NRF1: variants seen among roughly 807,000 people sequenced by gnomAD.
NRF1 encodes alpha palindromic-binding protein.
A neutral mutation model predicts 58.5 loss-of-function variants in NRF1; 5 were observed. The ratio of observed to expected loss-of-function variants is 0.09; its 90% CI spans 0.04 to 0.18. NRF1 has a LOEUF of 0.18. Among genes scored for constraint, NRF1 ranks in the 10% least tolerant of loss-of-function variants. The probability of loss-of-function intolerance (pLI) is 1.00; values close to 1 mark genes in which losing one functional copy is unlikely to be tolerated. For synonymous variants in NRF1, 224 were observed against 246.7 expected, an observed-to-expected ratio of 0.91 and a Z score of 0.86; for missense variants, 288 against 657.7, an observed-to-expected ratio of 0.44 and a Z score of 6.15.
intron 10 of NRF1, among the ~76,000 whole-genome samples, chr7:129,739,541 TAA>T (rs56277880): frequency 3.0e-4 from 44 of 144,966 alleles, no homozygotes; most frequent in East Asian, 8.0e-4. Context: ...GCTTTGCTTT[TAA>T]AAAAAAAAAA....
chr7:129,636,557 G>GT (rs532852857), intron 1 of NRF1, among the ~76,000 whole-genome samples: 5 of 152,044 alleles, frequency 3.3e-5, no homozygotes, highest in African/African-American at 1.2e-4. Context: ...TTTTCAATGG[G>GT]TTTTTTTAGA....
chr7:129,729,870 C>T (rs183560429), intron 10 of NRF1, among the ~76,000 whole-genome samples: 9 of 152,278 alleles, frequency 5.9e-5, no homozygotes. Context: ...CAGAGTCTTG[C>T]TCTGTCACCC....
intron 9 of NRF1, among the ~76,000 whole-genome samples, chr7:129,722,909 A>G (rs1470069856): frequency 6.6e-6 from 1 of 152,226 alleles, no homozygotes; most frequent in Non-Finnish European, 1.5e-5. Context: ...GGAAATAAGC[A>G]GTCACTGAGG....
At chr7:129,657,981 A>G (rs989256468) in intron 2 of NRF1, among the ~76,000 whole-genome samples, 2 of 152,122 alleles carry the variant, frequency 1.3e-5, no homozygotes, top group African/African-American at 4.8e-5. Flanking sequence ...GAGGTCTGTA[A>G]TCACTTACTA....
intron 5 of NRF1, among the ~76,000 whole-genome samples, chr7:129,695,234 A>G (rs1201097721): frequency 1.3e-5 from 2 of 152,120 alleles, no homozygotes; most frequent in Non-Finnish European, 2.9e-5. Flanking sequence ...ACATTAACAT[A>G]AAACATGCCC....
At chr7:129,627,329 A>T (rs56028831) in intron 1 of NRF1, among the ~76,000 whole-genome samples, 9 of 151,774 alleles carry the variant, frequency 5.9e-5, no homozygotes. Flanking sequence ...CTCCCACCTT[A>T]GTTTCCCCAG....
At chr7:129,689,198 A>C (rs1161969293) in intron 4 of NRF1, among the ~76,000 whole-genome samples, 1 of 152,198 alleles carries the variant, frequency 6.6e-6, no homozygotes, top group Non-Finnish European at 1.5e-5. Context: ...CAACTGCAGA[A>C]GTTGCACCAT....
intron 5 of NRF1, among the ~76,000 whole-genome samples, chr7:129,704,461 G>A (rs1026878947): frequency 6.6e-6 from 1 of 152,062 alleles, no homozygotes; most frequent in Admixed American, 6.6e-5. Flanking sequence ...TGATTTAAAA[G>A]TAAAATCTCA....
At chr7:129,728,151 T>C (rs1011384862) in intron 10 of NRF1, among the ~76,000 whole-genome samples, 2 of 152,202 alleles carry the variant, frequency 1.3e-5, no homozygotes, top group Non-Finnish European at 2.9e-5. Context: ...GTGATTGTTA[T>C]ATTTTTAAAT....
At chr7:129,670,008 C>T (rs2151082667) in intron 2 of NRF1, among the ~76,000 whole-genome samples, 1 of 152,260 alleles carries the variant, frequency 6.6e-6, no homozygotes. Flanking sequence ...CATTATTCAC[C>T]CTTAAAAACA....
intron 10 of NRF1, among the ~76,000 whole-genome samples, chr7:129,747,940 C>A (rs1804018002): frequency 6.6e-6 from 1 of 152,108 alleles, no homozygotes; most frequent in Non-Finnish European, 1.5e-5. Context: ...ATATCATATT[C>A]AATTATTGAG....
chr7:129,667,743 ATTTATT>A (rs1261597953), intron 2 of NRF1, among the ~76,000 whole-genome samples: 1 of 630 alleles, frequency 1.6e-3, no homozygotes, highest in Non-Finnish European at 8.3e-3. Flanking sequence ...TTTTAAAGGT[ATTTATT>A]TATTTATTTA....
At chr7:129,702,668 G>A (rs1252065504) in intron 5 of NRF1, among the ~76,000 whole-genome samples, 1 of 152,170 alleles carries the variant, frequency 6.6e-6, no homozygotes, top group African/African-American at 2.4e-5. Flanking sequence ...TTAAAGTAAT[G>A]TTGCCACAGT....
chr7:129,644,073 A>T (rs1203589803), intron 1 of NRF1, among the ~76,000 whole-genome samples: 3 of 152,086 alleles, frequency 2.0e-5, no homozygotes, highest in Non-Finnish European at 4.4e-5. Flanking sequence ...TGCCTGCCCC[A>T]TGTCCTTGCA....
At chr7:129,713,113 C>G (rs62489301) in intron 8 of NRF1, among the ~76,000 whole-genome samples, 1 of 124,224 alleles carries the variant, frequency 8.0e-6, no homozygotes, top group African/African-American at 3.1e-5. Flanking sequence ...TTTTTTTTTC[C>G]TGAGACGGAA....
intron 5 of NRF1, among the ~76,000 whole-genome samples, chr7:129,706,381 A>ATACAC (rs1802950514): frequency 6.6e-6 from 1 of 152,204 alleles, no homozygotes; most frequent in Non-Finnish European, 1.5e-5. Context: ...AACTAGAAGG[A>ATACAC]TACACTAGCC....
chr7:129,706,543 G>C (rs1802954102), intron 5 of NRF1, among the ~76,000 whole-genome samples: 1 of 152,238 alleles, frequency 6.6e-6, no homozygotes, highest in South Asian at 2.1e-4. Flanking sequence ...TTTTTAGTTT[G>C]AGTGGCCGGG....
chr7:129,753,563 T>C (rs1475897854), intron 10 of NRF1, among the ~76,000 whole-genome samples: 1 of 152,218 alleles, frequency 6.6e-6, no homozygotes, highest in Non-Finnish European at 1.5e-5. Context: ...GGAAGAGAGA[T>C]TGATGTATAT....
intron 1 of NRF1, chr7:129,630,242 G>T (rs906595849): frequency 1.3e-5 from 2 of 152,110 alleles, no homozygotes; most frequent in African/African-American, 4.8e-5. Flanking sequence ...AGAATAGAGT[G>T]AACAAATGGA....
Sources: gnomAD v4.1 joint callset for allele counts (sites outside exome capture counted in the v4.1 genomes callset) on GRCh38, gnomAD v4.1.1 for gene constraint, MANE v1.5 for transcripts, NCBI Gene and HGNC (gene_info 2026-07-23, HGNC 2026-07-21) for gene names.